The following RBFOX1 variants were observed in gnomAD, a reference collection of about 807,000 sequenced individuals.
The protein encoded by RBFOX1 is RNA binding fox-1 homolog 1.
In RBFOX1, 8 loss-of-function variants were observed where a neutral mutation model predicts 57.7. The ratio of observed to expected loss-of-function variants is 0.14; its 90% CI spans 0.08 to 0.25. The LOEUF is 0.25. RBFOX1 is among the 10% of genes least tolerant of loss of function. RBFOX1 has a pLI of 1.00. For synonymous variants in RBFOX1, 326 were observed against 222.4 expected (o/e 1.47, Z -4.15); for missense variants, 611 against 548.5 (o/e 1.11, Z -1.14).
At chr16:6,749,143 G>A (rs2074393794) in intron 3 of RBFOX1, among the ~76,000 whole-genome samples, 1 of 152,178 alleles carries the variant, frequency 6.6e-6, no homozygotes. Context: ...AGGCCGGATG[G>A]CATTCGAGAG....
intron 2 of RBFOX1, among the ~76,000 whole-genome samples, chr16:6,646,249 C>G (rs2098533908): frequency 6.6e-6 from 1 of 152,074 alleles, no homozygotes; most frequent in African/African-American, 2.4e-5. Context: ...TTGTTCTCGC[C>G]AAAGTGACAT....
intron 4 of RBFOX1, among the ~76,000 whole-genome samples, chr16:7,127,762 C>T (rs114253926): frequency 1.3e-5 from 2 of 152,274 alleles, no homozygotes; most frequent in East Asian, 3.9e-4. Context: ...TTCCTCATAG[C>T]CCCGTGGAGG....
chr16:6,667,115 TG>T (rs1455794462), intron 3 of RBFOX1, among the ~76,000 whole-genome samples: 1 of 152,060 alleles, frequency 6.6e-6, no homozygotes, highest in East Asian at 1.9e-4. Context: ...GGTGGTGGGT[TG>T]GGGGAGAGGG....
chr16:6,526,004 C>T (rs1013128987), intron 2 of RBFOX1, among the ~76,000 whole-genome samples: 1 of 152,086 alleles, frequency 6.6e-6, no homozygotes, highest in Non-Finnish European at 1.5e-5. Context: ...CCAAGATATC[C>T]AGTATGAGAT....
intron 3 of RBFOX1, among the ~76,000 whole-genome samples, chr16:6,675,154 T>G (rs2057414489): frequency 6.6e-6 from 1 of 152,132 alleles, no homozygotes; most frequent in African/African-American, 2.4e-5. Context: ...TCCGCCCACC[T>G]CGGCCTCCCA....
At chr16:6,915,151 G>C (rs778933334) in intron 3 of RBFOX1, among the ~76,000 whole-genome samples, 1 of 152,132 alleles carries the variant, frequency 6.6e-6, no homozygotes. Context: ...CTCCAGACTC[G>C]GGGTCAAGGC....
intron 4 of RBFOX1, among the ~76,000 whole-genome samples, chr16:7,123,239 A>G (rs1220985246): frequency 6.6e-6 from 1 of 152,222 alleles, no homozygotes; most frequent in African/African-American, 2.4e-5. Flanking sequence ...ATATGAGGAT[A>G]AAGTCTCTGC....
intron 2 of RBFOX1, among the ~76,000 whole-genome samples, chr16:6,615,794 C>T (rs548420398): frequency 4.0e-4 from 61 of 152,238 alleles, no homozygotes; most frequent in Non-Finnish European, 7.8e-4. Context: ...CTGCCATTAA[C>T]AGCAGATGGA....
chr16:6,698,232 A>T (rs1425576024), intron 3 of RBFOX1, among the ~76,000 whole-genome samples: 1 of 148,638 alleles, frequency 6.7e-6, no homozygotes, highest in Non-Finnish European at 1.5e-5. Flanking sequence ...AAATATCATT[A>T]TGTAAAATAA....
chr16:7,340,217 C>T (rs1224127038), intron 4 of RBFOX1, among the ~76,000 whole-genome samples: 1 of 152,172 alleles, frequency 6.6e-6, no homozygotes, highest in Non-Finnish European at 1.5e-5. Flanking sequence ...AATCTAGGTT[C>T]TTGTTATCAA....
At chr16:6,654,675 G>C in intron 3 of RBFOX1, 25 bp downstream of exon 3, 1 of 1,493,530 alleles carries the variant, frequency 6.7e-7, no homozygotes, top group Non-Finnish European at 8.9e-7. Context: ...TTCATTTTTA[G>C]GGTTGCAAAC....
intron 14 of RBFOX1, among the ~76,000 whole-genome samples, chr16:7,690,087 C>G (rs527384498): frequency 8.5e-5 from 13 of 152,222 alleles, no homozygotes; most frequent in African/African-American, 3.1e-4. Context: ...TCTTGAATCC[C>G]TCTGCCTTGG....
intron 2 of RBFOX1, among the ~76,000 whole-genome samples, chr16:6,482,904 T>A (rs768095947): frequency 1.1e-4 from 17 of 152,194 alleles, no homozygotes; most frequent in Non-Finnish European, 2.2e-4. Flanking sequence ...CTTTAGACAT[T>A]TGATTGCTCG....
At chr16:7,201,527 T>C (rs965970222) in intron 4 of RBFOX1, among the ~76,000 whole-genome samples, 15 of 151,508 alleles carry the variant, frequency 9.9e-5, no homozygotes, top group African/African-American at 2.9e-4. Context: ...AATGGCACAA[T>C]CTGGGCTCAC....
intron 1 of RBFOX1, among the ~76,000 whole-genome samples, chr16:5,321,699 C>A (rs567669582): frequency 6.6e-6 from 1 of 152,206 alleles, no homozygotes. Flanking sequence ...CCGTCATGGT[C>A]CATCTTCCTC....
At chr16:7,593,685 A>G (rs934724446) in intron 7 of RBFOX1, among the ~76,000 whole-genome samples, 3 of 151,910 alleles carry the variant, frequency 2.0e-5, no homozygotes, top group African/African-American at 7.3e-5. Flanking sequence ...TTTTCCAACC[A>G]AAGGCAGTAT....
intron 4 of RBFOX1, among the ~76,000 whole-genome samples, chr16:5,949,525 CAAAAA>C (rs59221283): frequency 0.054 from 1,748 of 32,244 alleles, 45 homozygotes; most frequent in African/African-American, 0.21. Flanking sequence ...GAGTCCATCT[CAAAAA>C]AAAAAAAAAA....
In RBFOX1 at chr16:6,644,833, C is replaced by T. The variant is rs541238530; in HGVS notation, c.-63-9770C>T. 2.6e-5 allele frequency among the ~76,000 whole-genome samples: 4 copies of T among 152,260 alleles called. No individual in the cohort carries two copies. In the East Asian group the frequency reaches 7.7e-4, roughly 29 times the overall value. ...AGAGCTTAGACTAAGCGGAGGTGGC[C>T]TCTGGACCACAGTTATCTTTTTTCA... is the stretch of plus-strand genomic sequence containing the variant. On this transcript the variant is annotated intron_variant, in intron 2 of 15. Transcript: ENST00000550418.
chr16:5,729,900 A>G lies in RBFOX1; in HGVS notation c.318+130939A>G, dbSNP rs185784046. 5.5e-4 allele frequency among the ~76,000 whole-genome samples: 84 copies of G among 152,312 alleles called. No individual in the cohort carries two copies. In the East Asian group the frequency reaches 0.012, roughly 21 times the overall value. On this transcript the variant is annotated intron_variant, in intron 3 of 19. Transcript: ENST00000641259. ...CCTAGCCCCGAGAGCTGCATACTGCATCTAAGCTCAGGGAAGCTGCTTCTC... is the reference window on the plus strand; with the variant it reads ...CCTAGCCCCGAGAGCTGCATACTGCGTCTAAGCTCAGGGAAGCTGCTTCTC...
Sources: allele counts gnomAD v4.1 joint callset (sites outside exome capture counted in the v4.1 genomes callset), GRCh38; gene constraint gnomAD v4.1.1; transcripts MANE v1.5; gene names NCBI Gene and HGNC (gene_info 2026-07-23, HGNC 2026-07-21).